BRI3: variants seen among roughly 807,000 people sequenced by gnomAD.
BRI3 encodes the protein brain protein I3, also known as membrane protein BRI3.
A neutral mutation model predicts 12.8 loss-of-function variants in BRI3; 6 were observed. That is an observed-to-expected ratio of 0.47 (90% confidence interval 0.26 to 0.93). The LOEUF (loss-of-function observed/expected upper bound fraction) is 0.93, where lower values mean the gene tolerates loss of function less well. Ranked by LOEUF, BRI3 falls within the 40% of genes least tolerant of loss-of-function variation. The probability of loss-of-function intolerance (pLI) is 0.15; values close to 1 mark genes in which losing one functional copy is unlikely to be tolerated. For missense variants in BRI3, 134 were observed against 171.1 expected, an observed-to-expected ratio of 0.78 and a Z score of 1.21; for synonymous variants, 91 against 76.1, an observed-to-expected ratio of 1.20 and a Z score of -1.02.
intron 2 of BRI3, among the ~76,000 whole-genome samples, chr7:98,287,205 C>T (rs926136107): frequency 1.3e-5 from 2 of 152,252 alleles, no homozygotes; most frequent in Non-Finnish European, 2.9e-5. Context: ...TCGCTCTCCC[C>T]AGAGACCCGG....
the BRI3 span, chr7:98,317,507 CCA>C: frequency 4.4e-6 from 4 of 911,876 alleles, no homozygotes; most frequent in Non-Finnish European, 6.7e-6. Flanking sequence ...GCCCCCACAC[CCA>C]CACCAGTTCA....
chr7:98,306,408 AC>A (rs778532601), upstream of BRI3: 12 of 1,612,644 alleles, frequency 7.4e-6, no homozygotes, highest in African/African-American at 9.3e-5. Flanking sequence ...GGTTTCTGTC[AC>A]CGGGAGAGCT....
chr7:98,286,591 G>C (rs113655992), intron 2 of BRI3, among the ~76,000 whole-genome samples: 4 of 152,198 alleles, frequency 2.6e-5, no homozygotes, highest in African/African-American at 9.7e-5. Context: ...TGTGGGGACC[G>C]CAGGTGTTCC....
At chr7:98,312,205 G>C, downstream of BRI3, 3 of 1,614,142 alleles carry the variant, frequency 1.9e-6, no homozygotes, top group Non-Finnish European at 2.5e-6. Flanking sequence ...CTGGCACTTT[G>C]ATGGCATCAA....
chr7:98,296,151 A>C (rs1005987108), downstream of BRI3, among the ~76,000 whole-genome samples: 10 of 152,230 alleles, frequency 6.6e-5, no homozygotes, highest in East Asian at 3.8e-4. Flanking sequence ...GCCACCCCAG[A>C]CAGCCATCTC....
downstream of BRI3, among the ~76,000 whole-genome samples, chr7:98,314,907 A>C (rs1163195386): frequency 1.3e-5 from 2 of 152,330 alleles, no homozygotes; most frequent in African/African-American, 2.4e-5. Context: ...TTCAATGATG[A>C]AGCATTATTT....
chr7:98,305,057 T>TG (rs1240513416), upstream of BRI3, among the ~76,000 whole-genome samples: 5 of 142,240 alleles, frequency 3.5e-5, no homozygotes, highest in East Asian at 8.0e-4. Context: ...GTTTTTTTTT[T>TG]TTTTTTTTTT....
At chr7:98,288,265 GA>G (rs1036260907) in intron 2 of BRI3, among the ~76,000 whole-genome samples, 3 of 152,194 alleles carry the variant, frequency 2.0e-5, no homozygotes, top group African/African-American at 7.2e-5. Context: ...CATCTGTGGG[GA>G]CACAGCTGGT....
chr7:98,283,417 G>A (rs12113647), intron 2 of BRI3, among the ~76,000 whole-genome samples: 121 of 152,238 alleles, frequency 7.9e-4, no homozygotes, highest in African/African-American at 2.5e-3. Context: ...CTGGGACCTC[G>A]GGGGCAGGTT....
chr7:98,303,291 C>T (rs143692552), upstream of BRI3, among the ~76,000 whole-genome samples: 1,509 of 152,218 alleles, frequency 9.9e-3, 10 homozygotes, highest in Middle Eastern at 0.031. Flanking sequence ...ACTAAGGCCC[C>T]GGACACAAGG....
chr7:98,320,502 C>T, the BRI3 span, among the ~76,000 whole-genome samples: 121,656 of 152,146 alleles, frequency 0.8, 48,757 homozygotes, highest in Middle Eastern at 0.83. Context: ...GCCTGGCTAA[C>T]TTTTTGCATT....
the BRI3 span, chr7:98,315,474 A>C: frequency 6.7e-7 from 1 of 1,486,328 alleles, no homozygotes; most frequent in Non-Finnish European, 9.0e-7. Context: ...AAGTGATAAT[A>C]ATGTATGTGG....
chr7:98,290,681 TAGA>T (rs2116743815), intron 2 of BRI3, among the ~76,000 whole-genome samples: 1 of 151,746 alleles, frequency 6.6e-6, no homozygotes, highest in East Asian at 2.0e-4. Flanking sequence ...GTATTGTTAG[TAGA>T]GACAGGGTTT....
chr7:98,283,287 C>G (rs1047864524), intron 2 of BRI3, among the ~76,000 whole-genome samples: 2 of 151,972 alleles, frequency 1.3e-5, no homozygotes, highest in Non-Finnish European at 2.9e-5. Flanking sequence ...TGGACTTAGA[C>G]TTGATTTCAA....
At chr7:98,293,718 A>AC (rs1026706717), downstream of BRI3, 9 of 920,310 alleles carry the variant, frequency 9.8e-6, no homozygotes, top group Admixed American at 1.3e-4. Context: ...CCCAGCTTGT[A>AC]CAGGTCCCAG....
In BRI3 at chr7:98,290,178, G is replaced by GTTTTTTT. The variant is rs1200763476; in HGVS notation, c.246-931_246-930insTTTTTTT. Among the ~76,000 whole-genome samples, 104 of 92,286 alleles carry GTTTTTTT rather than the reference G, an allele frequency of 1.1e-3. 2 individuals are homozygous for GTTTTTTT. Among genetic ancestry groups the GTTTTTTT allele is most frequent in the African/African-American group, 3.5e-3 (98 of 28,336 alleles). The allele number at this position is 92,286 out of a possible 152,430, so 60.5% of individuals were successfully genotyped here. A position where few individuals can be genotyped will look rare whatever the true frequency, so the allele number is the denominator to read the frequency against. ...CACCAAAATGATCATGCCTCTCAAG[G>GTTTTTTT]TTGTTTTTTTTTTTTTTTTTTTTTT... On this transcript the variant is annotated intron_variant, in intron 2 of 2. Transcript: ENST00000297290.
chr7:98,301,375 T>TC (rs1800411850), intron 1 of BRI3, among the ~76,000 whole-genome samples: 1 of 151,860 alleles, frequency 6.6e-6, no homozygotes, highest in African/African-American at 2.4e-5. Flanking sequence ...AGGAGGGCAT[T>TC]CTCATGAGGT....
At chr7:98,300,838 T>G (rs1333400027) in intron 1 of BRI3, among the ~76,000 whole-genome samples, 1 of 152,180 alleles carries the variant, frequency 6.6e-6, no homozygotes, top group Non-Finnish European at 1.5e-5. Context: ...CCCCAGCTCT[T>G]GAGCCCCCCA....
At position 98,291,533 on chromosome 7, in the gene BRI3, G is replaced by A; in HGVS notation, c.*290G>A. On this transcript the variant is annotated 3_prime_UTR_variant, in exon 3 of 3. Coordinates refer to ENST00000297290, the MANE Select transcript of BRI3 (RefSeq NM_015379.5). ...ATGAGATTCATACCATTGTTGACCT[G>A]GTGCTGCTTACTCGGTGCTTTCAGA... The A allele has an allele frequency of 8.5e-7, 1 of 1,182,308 alleles. No individual in the cohort carries two copies. Among genetic ancestry groups the A allele is most frequent in the Non-Finnish European group, 1.1e-6 (1 of 949,692 alleles). The allele number at this position is 1,182,308 out of a possible 1,614,324, so 73.2% of individuals were successfully genotyped here.
Sources: gnomAD v4.1 joint callset for allele counts (sites outside exome capture counted in the v4.1 genomes callset) on GRCh38, gnomAD v4.1.1 for gene constraint, MANE v1.5 for transcripts, NCBI Gene and HGNC (gene_info 2026-07-23, HGNC 2026-07-21) for gene names.